The following PCDHGB1 variants were observed in gnomAD, a reference collection of about 807,000 sequenced individuals.
The protein encoded by PCDHGB1 is protocadherin gamma-B1.
In PCDHGB1, 34 loss-of-function variants were observed where a neutral mutation model predicts 56.6. The ratio of observed to expected loss-of-function variants is 0.60; its 90% CI spans 0.46 to 0.80. The LOEUF (loss-of-function observed/expected upper bound fraction) is 0.80. Ranked by LOEUF, PCDHGB1 falls within the 30% of genes least tolerant of loss-of-function variation. The pLI, the probability that PCDHGB1 is intolerant of heterozygous loss-of-function variation, is 0.00. For synonymous variants in PCDHGB1, 561 were observed against 505.9 expected (o/e 1.11, Z -1.46); for missense variants, 1,278 against 1,204.6 (o/e 1.06, Z -0.90).
At chr5:141,500,026 T>G (rs1297397353) in intron 2 of PCDHGB1, among the ~76,000 whole-genome samples, 1 of 151,974 alleles carries the variant, frequency 6.6e-6, no homozygotes, top group Non-Finnish European at 1.5e-5. Flanking sequence ...TATATTTGAG[T>G]GAGTGTCTCT....
rs200757040 is a variant in PCDHGB1, at chr5:141,431,080, C to T, written c.2410-63727C>T. 3 of 1,614,044 alleles carry T rather than the reference C, an allele frequency of 1.9e-6. No homozygotes were observed. The highest frequency in any genetic ancestry group is 2.5e-6 in the Non-Finnish European group (3 of 1,180,010). ...CCATCAAGTGTCAATTAAATCTAGA[C>T]ATTCTGATGGAGGATAAAGTGAAAA... On this transcript the variant is annotated intron_variant, in intron 1 of 3. Coordinates refer to ENST00000523390, the MANE Select transcript of PCDHGB1 (RefSeq NM_018922.3). This position sits in a 1 kb window ranked among gnomAD's most constrained non-coding sequence, Gnocchi z 4.8.
intron 1 of PCDHGB1, chr5:141,426,599 A>G (rs1171205143): frequency 2.7e-6 from 1 of 377,348 alleles, no homozygotes; most frequent in Non-Finnish European, 5.4e-6. Flanking sequence ...TCATACCCTT[A>G]GAGATTGTAG....
At chr5:141,378,061 A>G (rs1285707649) in intron 1 of PCDHGB1, 4 of 152,212 alleles carry the variant, frequency 2.6e-5, no homozygotes, top group African/African-American at 9.7e-5. Flanking sequence ...TCTGACTCAA[A>G]TTCTAAGAAA....
chr5:141,403,925 G>A, intron 1 of PCDHGB1: 1 of 1,613,868 alleles, frequency 6.2e-7, no homozygotes, highest in South Asian at 1.1e-5. Flanking sequence ...TGAAGATGGT[G>A]GGGGATTGAA....
rs143083513 is a variant in PCDHGB1 at position 141,431,088 on chromosome 5, T to C, written c.2410-63719T>C. On this transcript the variant is annotated intron_variant, in intron 1 of 3. Coordinates refer to ENST00000523390, the MANE Select transcript of PCDHGB1 (RefSeq NM_018922.3). This position sits in a 1 kb window ranked among gnomAD's most constrained non-coding sequence, Gnocchi z 4.8. The stretch of plus-strand genomic sequence containing the variant: ...TGTCAATTAAATCTAGACATTCTGA[T>C]GGAGGATAAAGTGAAAATATATGGA... 106 of 1,614,180 alleles carry C rather than the reference T, an allele frequency of 6.6e-5. 1 individual carries two copies. The highest frequency in any genetic ancestry group is 3.1e-4 in the East Asian group (14 of 44,890).
intron 1 of PCDHGB1, among the ~76,000 whole-genome samples, chr5:141,481,300 GA>G (rs998363845): frequency 3.3e-5 from 5 of 152,248 alleles, no homozygotes; most frequent in African/African-American, 1.2e-4. Context: ...TCATCTAAGG[GA>G]AAAACCTTCC....
Position 141,365,063 on chromosome 5 carries a change from T to C in PCDHGB1, c.2409+12394T>C, listed in dbSNP as rs757924486. On this transcript the variant is annotated intron_variant, in intron 1 of 3. Coordinates refer to ENST00000523390, the MANE Select transcript of PCDHGB1 (RefSeq NM_018922.3). ...CGACAATGCGCCCCTGTTCACCCCATCCGAGTACAGCGTGAGTGTTCCAGA... is the reference window on the plus strand; with the variant it reads ...CGACAATGCGCCCCTGTTCACCCCACCCGAGTACAGCGTGAGTGTTCCAGA... The C allele has an allele frequency of 6.8e-6, 11 of 1,613,692 alleles. No homozygotes were observed. Among genetic ancestry groups the C allele is most frequent in the Non-Finnish European group, 9.3e-6 (11 of 1,179,886 alleles).
At chr5:141,443,330 C>A (rs1005631067) in intron 1 of PCDHGB1, among the ~76,000 whole-genome samples, 44 of 139,282 alleles carry the variant, frequency 3.2e-4, no homozygotes, top group African/African-American at 4.5e-4. Flanking sequence ...AAAAAAAAAA[C>A]AAAAATTAAC....
chr5:141,418,224 T>C (rs756997971), intron 1 of PCDHGB1: 1 of 1,613,998 alleles, frequency 6.2e-7, no homozygotes, highest in Non-Finnish European at 8.5e-7. Flanking sequence ...GTCATTGTGG[T>C]GATTGAGGAT....
chr5:141,433,289 G>A, intron 1 of PCDHGB1: 1 of 1,130,682 alleles, frequency 8.8e-7, no homozygotes, highest in Non-Finnish European at 1.3e-6. Flanking sequence ...AAACTCCTAG[G>A]CTCAAGCAAT....
chr5:141,481,257 A>T (rs2099534664), intron 1 of PCDHGB1, among the ~76,000 whole-genome samples: 1 of 152,172 alleles, frequency 6.6e-6, no homozygotes, highest in African/African-American at 2.4e-5. Context: ...GCTCTAAAAG[A>T]TCACTGTAGG....
At chr5:141,380,342 T>C (rs1288076589) in intron 1 of PCDHGB1, among the ~76,000 whole-genome samples, 1 of 152,198 alleles carries the variant, frequency 6.6e-6, no homozygotes, top group Admixed American at 6.5e-5. Context: ...CAAAGAACTG[T>C]TTTGTTGTTT....
At chr5:141,423,642 T>C (rs1293550754) in intron 1 of PCDHGB1, 2 of 1,596,770 alleles carry the variant, frequency 1.3e-6, no homozygotes, top group African/African-American at 2.7e-5. Flanking sequence ...TAGGCAAATG[T>C]GACCCGACAA....
intron 1 of PCDHGB1, chr5:141,402,944 G>C (rs1487270083): frequency 2.5e-6 from 4 of 1,592,136 alleles, no homozygotes; most frequent in African/African-American, 1.3e-5. Context: ...ATTCCAAAGC[G>C]AGGCAGCAAT....
chr5:141,453,288 A>G (rs931678565), intron 1 of PCDHGB1, among the ~76,000 whole-genome samples: 1 of 151,342 alleles, frequency 6.6e-6, no homozygotes, highest in Non-Finnish European at 1.5e-5. Context: ...TAATTTTTTA[A>G]TTATTTATTT....
chr5:141,357,079 C>G, intron 1 of PCDHGB1: 6 of 1,613,938 alleles, frequency 3.7e-6, no homozygotes, highest in Non-Finnish European at 5.1e-6. Context: ...AGGCGAGGTG[C>G]GCACCGCACG....
rs578188210 is a variant in PCDHGB1 at position 141,360,311 on chromosome 5, G to A, written c.2409+7642G>A. 3.1e-6 allele frequency: 5 copies of A among 1,613,936 alleles called. No homozygotes were observed. The East Asian group carries it at 1.1e-4, about 36-fold the overall frequency. ...GCCAAGGATCTGGGGCTCAGCGTCC[G>A]GGACTTGCCAGCCCGGAAGCTGCGG... is the stretch of plus-strand genomic sequence containing the variant. On this transcript the variant is annotated intron_variant, in intron 1 of 3. Transcript: ENST00000523390.
chr5:141,398,557 G>A, intron 1 of PCDHGB1: 1 of 1,613,916 alleles, frequency 6.2e-7, no homozygotes. Flanking sequence ...GCAAATAAGT[G>A]AGTCTGCACA....
At chr5:141,409,429 C>T (rs767514268) in intron 1 of PCDHGB1, 3 of 1,613,872 alleles carry the variant, frequency 1.9e-6, no homozygotes, top group African/African-American at 1.3e-5. Flanking sequence ...CAGATGGAGC[C>T]CTGGACCGAG....
Sources: gnomAD v4.1 joint callset for allele counts (sites outside exome capture counted in the v4.1 genomes callset) on GRCh38, gnomAD v4.1.1 for gene constraint, Gnocchi (gnomAD v3.1) non-coding constraint, MANE v1.5 for transcripts, NCBI Gene and HGNC (gene_info 2026-07-23, HGNC 2026-07-21) for gene names.